GLYR1: variants seen among roughly 807,000 people sequenced by gnomAD.
The protein encoded by GLYR1 is glyoxylate reductase 1 homolog.
GLYR1 carries 21 observed loss-of-function variants against 72.7 expected under a neutral mutation model. That is an observed-to-expected ratio of 0.29 (90% confidence interval 0.20 to 0.42). GLYR1 has a LOEUF of 0.42. Among genes scored for constraint, GLYR1 ranks in the 10% least tolerant of loss-of-function variants. The pLI is 1.00. For synonymous variants in GLYR1, 392 were observed against 270.2 expected, an observed-to-expected ratio of 1.45 and a Z score of -4.42; for missense variants, 594 against 712.1, an observed-to-expected ratio of 0.83 and a Z score of 1.89.
At chr16:4,839,700 C>G (rs2085406420) in intron 3 of GLYR1, 3 of 152,140 alleles carry the variant, frequency 2.0e-5, no homozygotes, top group African/African-American at 7.2e-5. Context: ...GATGTCAACA[C>G]AATTTGTTAG....
chr16:4,811,149 C>A (rs763617201), intron 15 of GLYR1, 21 bp downstream of exon 15: 5 of 1,606,254 alleles, frequency 3.1e-6, no homozygotes, highest in Middle Eastern at 1.9e-4. Flanking sequence ...GGCCTTGGGG[C>A]TTGGGCCACA....
chr16:4,813,875 C>T, intron 11 of GLYR1, 37 bp from the exon 12 acceptor site: 1 of 1,541,578 alleles, frequency 6.5e-7, no homozygotes, highest in South Asian at 1.2e-5. Context: ...AGCCCAGGCT[C>T]CCGGGCAGAT....
At chr16:4,820,726 G>C (rs1030223686) in intron 9 of GLYR1, among the ~76,000 whole-genome samples, 1 of 152,210 alleles carries the variant, frequency 6.6e-6, no homozygotes, top group African/African-American at 2.4e-5. Flanking sequence ...TCCAGAGAAC[G>C]TGTTTTCCTA....
chr16:4,808,939 TG>T (rs2083159001), intron 15 of GLYR1, among the ~76,000 whole-genome samples: 1 of 152,276 alleles, frequency 6.6e-6, no homozygotes, highest in African/African-American at 2.4e-5. Context: ...GCACTTTACC[TG>T]GGCAAGAGAG....
chr16:4,830,052 C>G (rs183321655), intron 5 of GLYR1, among the ~76,000 whole-genome samples: 23 of 152,156 alleles, frequency 1.5e-4, no homozygotes, highest in Middle Eastern at 3.4e-3. Flanking sequence ...GATCCTCCTG[C>G]ACTGGCCTCC....
At chr16:4,815,873 C>T (rs888594308) in intron 10 of GLYR1, among the ~76,000 whole-genome samples, 37 of 152,110 alleles carry the variant, frequency 2.4e-4, no homozygotes, top group Non-Finnish European at 4.7e-4. Context: ...GCTCTGCCTC[C>T]CAGGTTCACG....
intron 3 of GLYR1, among the ~76,000 whole-genome samples, chr16:4,836,813 GAAAA>G (rs111581519): frequency 7.6e-5 from 9 of 118,996 alleles, no homozygotes; most frequent in African/African-American, 2.1e-4. Flanking sequence ...TATTATATTG[GAAAA>G]AAAAAAAAAA....
chr16:4,824,005 C>A (rs2084218360), intron 5 of GLYR1, 98 bp from the exon 6 acceptor site: 2 of 908,152 alleles, frequency 2.2e-6, no homozygotes, highest in Non-Finnish European at 3.6e-6. Context: ...AGCCAATCCC[C>A]AACCACTGTT....
At chr16:4,818,586 G>A (rs2083800798) in intron 9 of GLYR1, among the ~76,000 whole-genome samples, 1 of 152,026 alleles carries the variant, frequency 6.6e-6, no homozygotes, top group African/African-American at 2.4e-5. Flanking sequence ...CCCGGCTCTG[G>A]ATACTACTTT....
Position 4,811,729 on chromosome 16 carries a change from G to A in GLYR1, c.1356C>T (p.Ala452=), listed in dbSNP as rs759397509. The A allele has an allele frequency of 9.3e-6, 15 of 1,614,126 alleles. No homozygotes were observed. The highest frequency in any genetic ancestry group is 6.7e-5 in the Admixed American group (4 of 60,002). The change falls in exon 14 of 16, where the codon GCC becomes GCT. Residue 452 remains alanine, a synonymous_variant. Transcript: ENST00000321919. ...TCACCTGGGCCAGGGTCAGCCCCTC[G>A]GCAATAGTGGCCATGAAGCTCCCTT... ...MVQGSFMATI[A]EGLTLAQVTG...
chr16:4,842,258 A>G (rs1421756102), intron 3 of GLYR1, among the ~76,000 whole-genome samples: 1 of 147,552 alleles, frequency 6.8e-6, no homozygotes, highest in Non-Finnish European at 1.5e-5. Flanking sequence ...AAAAAAAAAC[A>G]ACAACAAAAA....
intron 3 of GLYR1, among the ~76,000 whole-genome samples, chr16:4,841,063 T>C (rs1237611351): frequency 1.3e-5 from 2 of 152,182 alleles, no homozygotes; most frequent in African/African-American, 4.8e-5. Context: ...GCAAAGGAGT[T>C]TAAAAAGTTA....
At chr16:4,819,203 G>GGT (rs1246324041) in intron 9 of GLYR1, among the ~76,000 whole-genome samples, 1 of 152,024 alleles carries the variant, frequency 6.6e-6, no homozygotes, top group African/African-American at 2.4e-5. Context: ...AGAGATGGGG[G>GGT]GGTCTTGCTA....
At chr16:4,814,477 G>A in intron 11 of GLYR1, 60 bp downstream of exon 11, 4 of 1,309,088 alleles carry the variant, frequency 3.1e-6, no homozygotes, top group Non-Finnish European at 4.4e-6. Flanking sequence ...GAGGGGAAGA[G>A]GCCAGCCAGC....
intron 10 of GLYR1, among the ~76,000 whole-genome samples, chr16:4,815,003 T>G (rs2083548901): frequency 1.3e-5 from 2 of 152,228 alleles, no homozygotes; most frequent in African/African-American, 4.8e-5. Context: ...AATGTGGGGA[T>G]GTCGCTGGAA....
At chr16:4,828,501 G>C (rs543728023) in intron 5 of GLYR1, among the ~76,000 whole-genome samples, 8 of 152,230 alleles carry the variant, frequency 5.3e-5, no homozygotes, top group African/African-American at 1.9e-4. Context: ...CGAACCTGCA[G>C]TATCTCCAAC....
At chr16:4,807,057 C>T (rs966760043) in intron 15 of GLYR1, among the ~76,000 whole-genome samples, 13 of 149,668 alleles carry the variant, frequency 8.7e-5, no homozygotes, top group Middle Eastern at 7.4e-3. Flanking sequence ...CCACCCGCCT[C>T]GGCCTCCCAA....
chr16:4,841,651 G>C (rs1010972862), intron 3 of GLYR1, among the ~76,000 whole-genome samples: 6 of 150,108 alleles, frequency 4.0e-5, no homozygotes, highest in East Asian at 3.9e-4. Flanking sequence ...AACCAAACAA[G>C]AACAACAACA....
chr16:4,833,982 A>C (rs2084958515), intron 3 of GLYR1, among the ~76,000 whole-genome samples: 1 of 152,268 alleles, frequency 6.6e-6, no homozygotes, highest in Admixed American at 6.5e-5. Context: ...AGGATACAGA[A>C]ACCCAGCTAT....
Sources: allele counts gnomAD v4.1 joint callset (sites outside exome capture counted in the v4.1 genomes callset), GRCh38; gene constraint gnomAD v4.1.1; transcripts MANE v1.5; gene names NCBI Gene and HGNC (gene_info 2026-07-23, HGNC 2026-07-21).